Variants in RBFOX1 observed in about 807,000 individuals in gnomAD.
RBFOX1 encodes RNA binding fox-1 homolog 1.
RBFOX1 carries 8 observed loss-of-function variants against 57.7 expected under a neutral mutation model. That is an observed-to-expected ratio of 0.14 (90% CI 0.08 to 0.25). The LOEUF is 0.25. RBFOX1 is among the 10% of genes least tolerant of loss of function. The pLI, the probability that RBFOX1 is intolerant of heterozygous loss-of-function variation, is 1.00. For synonymous variants in RBFOX1, 326 were observed against 222.4 expected, an observed-to-expected ratio of 1.47 and a Z score of -4.15; for missense variants, 611 against 548.5, an observed-to-expected ratio of 1.11 and a Z score of -1.14.
chr16:6,786,284 A>C (rs1339122830), intron 3 of RBFOX1, among the ~76,000 whole-genome samples: 1 of 152,268 alleles, frequency 6.6e-6, no homozygotes, highest in East Asian at 1.9e-4. Flanking sequence ...TTTGGCTCTG[A>C]GATCTCTTAA....
intron 10 of RBFOX1, among the ~76,000 whole-genome samples, chr16:7,617,994 C>T (rs1239396349): frequency 8.8e-6 from 1 of 113,786 alleles, no homozygotes; most frequent in Non-Finnish European, 2.0e-5. Flanking sequence ...CTTTAGAATC[C>T]ATTGAGAAAA....
At chr16:6,684,517 A>G (rs1165004782) in intron 3 of RBFOX1, among the ~76,000 whole-genome samples, 2 of 152,168 alleles carry the variant, frequency 1.3e-5, no homozygotes, top group African/African-American at 4.8e-5. Context: ...CATCTTAGAA[A>G]TTGCTGCAGT....
intron 1 of RBFOX1, among the ~76,000 whole-genome samples, chr16:5,397,175 T>A (rs1596842158): frequency 6.6e-6 from 1 of 152,352 alleles, no homozygotes; most frequent in Admixed American, 6.5e-5. Context: ...AAAGTCACCC[T>A]GGAGGTGACT....
chr16:5,601,193 G>A (rs1293669954), downstream of RBFOX1: 1 of 152,310 alleles, frequency 6.6e-6, no homozygotes, highest in Non-Finnish European at 1.5e-5. Context: ...AGGAATCTGG[G>A]AGTGGTTTGC....
At chr16:6,076,574 C>T (rs1165376651) in intron 1 of RBFOX1, among the ~76,000 whole-genome samples, 1 of 151,958 alleles carries the variant, frequency 6.6e-6, no homozygotes, top group Non-Finnish European at 1.5e-5. Context: ...CTCAAGTGAT[C>T]CTCCCACCTC....
intron 3 of RBFOX1, among the ~76,000 whole-genome samples, chr16:6,868,044 G>T (rs1054137885): frequency 1.3e-5 from 2 of 152,068 alleles, no homozygotes; most frequent in African/African-American, 4.8e-5. Flanking sequence ...GCGAAATATA[G>T]GTATTATAGT....
chr16:7,659,371 G>A (rs1360152969), intron 12 of RBFOX1, among the ~76,000 whole-genome samples: 2 of 152,114 alleles, frequency 1.3e-5, no homozygotes, highest in African/African-American at 4.8e-5. Context: ...ATGCTTTCTG[G>A]TTTTATCTTC....
intron 3 of RBFOX1, among the ~76,000 whole-genome samples, chr16:6,677,119 G>C (rs999181702): frequency 1.3e-5 from 2 of 152,166 alleles, no homozygotes; most frequent in Admixed American, 1.3e-4. Context: ...ATTTAAAAAA[G>C]TAGATAGATA....
chr16:6,979,854 G>C (rs185398612), intron 3 of RBFOX1, among the ~76,000 whole-genome samples: 149 of 152,268 alleles, frequency 9.8e-4, no homozygotes, highest in East Asian at 7.5e-3. Context: ...GCTCTGTGAT[G>C]TGTTTGCTTT....
intron 3 of RBFOX1, among the ~76,000 whole-genome samples, chr16:7,038,197 C>T (rs1248903880): frequency 6.6e-6 from 1 of 152,098 alleles, no homozygotes; most frequent in Non-Finnish European, 1.5e-5. Context: ...ACGATGGTCC[C>T]AGGAGACCGG....
chr16:6,200,552 A>T (rs1415707538), intron 1 of RBFOX1, among the ~76,000 whole-genome samples: 1 of 152,206 alleles, frequency 6.6e-6, no homozygotes, highest in East Asian at 1.9e-4. Context: ...ATGGGACTTA[A>T]GGGGAAAATG....
intron 4 of RBFOX1, among the ~76,000 whole-genome samples, chr16:7,206,713 C>T (rs1000625666): frequency 3.3e-5 from 5 of 152,074 alleles, no homozygotes; most frequent in Non-Finnish European, 7.3e-5. Flanking sequence ...TACGAAGTGA[C>T]AAACAGATGC....
At chr16:5,240,405 G>C (rs2062135079) in intron 1 of RBFOX1, among the ~76,000 whole-genome samples, 1 of 152,184 alleles carries the variant, frequency 6.6e-6, no homozygotes, top group African/African-American at 2.4e-5. Context: ...CCCCCAGCAG[G>C]GGAAGGGGCG....
At chr16:6,859,184 T>TACG (rs57442083) in intron 3 of RBFOX1, among the ~76,000 whole-genome samples, 1 of 49,292 alleles carries the variant, frequency 2.0e-5, no homozygotes, top group Admixed American at 2.6e-4. Flanking sequence ...TGTATATATA[T>TACG]GTATATATAT....
rs201645330 is a variant in RBFOX1 at position 6,754,703 on chromosome 16, GT to G, written c.-16+100063del. 2.5e-3 allele frequency among the ~76,000 whole-genome samples: 376 copies of G among 148,520 alleles called. 5 individuals carry two copies. The highest frequency in any genetic ancestry group is 7.2e-3 in the African/African-American group (291 of 40,598). On this transcript the variant is annotated intron_variant, in intron 3 of 15. Coordinates refer to ENST00000550418, the MANE Select transcript of RBFOX1 (RefSeq NM_018723.4). ...AGAGAGATGCAGGAAATGGAATGTT[GT>G]TTTTTTTTTATTATTATAGTTTAAG...
intron 3 of RBFOX1, among the ~76,000 whole-genome samples, chr16:7,008,161 T>C (rs77911834): frequency 0.038 from 5,824 of 152,196 alleles, 380 homozygotes; most frequent in African/African-American, 0.13. Context: ...ATAATCAGAA[T>C]AGTTGTTACC....
intron 3 of RBFOX1, among the ~76,000 whole-genome samples, chr16:6,960,943 C>G (rs935330171): frequency 1.5e-5 from 2 of 133,998 alleles, no homozygotes; most frequent in East Asian, 4.4e-4. Context: ...GCCTGGCCAA[C>G]GTGATGAAAC....
intron 1 of RBFOX1, among the ~76,000 whole-genome samples, chr16:6,169,217 G>A (rs2096940332): frequency 6.6e-6 from 1 of 152,138 alleles, no homozygotes; most frequent in African/African-American, 2.4e-5. Flanking sequence ...TTGGTAGATG[G>A]AACTTGAAAG....
intron 3 of RBFOX1, among the ~76,000 whole-genome samples, chr16:6,961,967 A>G (rs562452091): frequency 3.2e-5 from 3 of 92,752 alleles, no homozygotes; most frequent in East Asian, 6.0e-4. Flanking sequence ...CCTGTGACTA[A>G]GAATGTCTAA....
Sources: gnomAD v4.1 joint callset for allele counts (sites outside exome capture counted in the v4.1 genomes callset) on GRCh38, gnomAD v4.1.1 for gene constraint, MANE v1.5 for transcripts, NCBI Gene and HGNC (gene_info 2026-07-23, HGNC 2026-07-21) for gene names.